The following HMMR variants were observed in gnomAD, a reference collection of about 807,000 sequenced individuals.
HMMR encodes hyaluronan mediated motility receptor, also known as intracellular hyaluronic acid-binding protein.
A neutral mutation model predicts 101.0 loss-of-function variants in HMMR; 108 were observed. That is an observed-to-expected ratio of 1.07 (90% CI 0.92 to 1.25). The LOEUF is 1.25. Ranked by LOEUF, HMMR falls within the 50% of genes most tolerant of loss-of-function variation. The pLI is 0.00. For synonymous variants in HMMR, 296 were observed against 276.4 expected, an observed-to-expected ratio of 1.07 and a Z score of -0.70; for missense variants, 813 against 788.7, an observed-to-expected ratio of 1.03 and a Z score of -0.37.
chr5:163,473,339 T>C, intron 8 of HMMR, 40 bp from the exon 9 acceptor site: 1 of 1,552,972 alleles, frequency 6.4e-7, no homozygotes, highest in Non-Finnish European at 8.8e-7. Context: ...TCCCTGTGCC[T>C]AAATAGATGT....
At chr5:163,466,111 A>T (rs1758697943) in intron 3 of HMMR, among the ~76,000 whole-genome samples, 1 of 151,158 alleles carries the variant, frequency 6.6e-6, no homozygotes, top group Non-Finnish European at 1.5e-5. Context: ...TAAAAATACA[A>T]GAAAATTAGC....
chr5:163,466,852 A>G (rs538249865), intron 3 of HMMR, among the ~76,000 whole-genome samples: 131 of 152,310 alleles, frequency 8.6e-4, no homozygotes, highest in Non-Finnish European at 1.7e-3. Context: ...GGCTTGCATT[A>G]TTTTTATTGG....
Position 163,474,061 on chromosome 5 carries a change from C to G in HMMR, c.909C>G (p.Asp303Glu), listed in dbSNP as rs776708341. ...TTGATGTTTTGCGTTTTCTAGAAGA[C>G]CATGTCAACAGGAATAGAGAACACA... Reference protein sequence around the residue: ...KCQLLEKEKEDHVNRNREHNE... With the variant: ...KCQLLEKEKEEHVNRNREHNE... The change falls in exon 10 of 18, where the codon GAC (aspartate) becomes GAG (glutamate). Residue 303 changes from aspartate (D) to glutamate (E), a missense_variant. Physicochemically the swap from Asp to Glu is conservative, Grantham distance 45. Transcript: ENST00000393915. 3 of 1,606,656 alleles carry G rather than the reference C, an allele frequency of 1.9e-6. No homozygotes were observed. The highest frequency in any genetic ancestry group is 2.5e-6 in the Non-Finnish European group (3 of 1,176,712).
intron 3 of HMMR, 109 bp downstream of exon 3, chr5:163,464,911 A>G: frequency 1.5e-6 from 1 of 671,438 alleles, no homozygotes; most frequent in Middle Eastern, 3.7e-4. Flanking sequence ...GGTTATAAGT[A>G]AATCTGTAAA....
chr5:163,482,579 C>T (rs1759307577), intron 12 of HMMR, 63 bp from the exon 13 acceptor site: 1 of 1,155,280 alleles, frequency 8.7e-7, no homozygotes, highest in South Asian at 1.3e-5. Flanking sequence ...GTAAACTAAT[C>T]AGTTATGATT....
chr5:163,484,297 C>A, intron 16 of HMMR, 52 bp downstream of exon 16: 1 of 901,140 alleles, frequency 1.1e-6, no homozygotes, highest in Non-Finnish European at 1.7e-6. Context: ...GGGGGTTATT[C>A]TAACTATAAT....
intron 9 of HMMR, 142 bp from the exon 10 acceptor site, chr5:163,473,915 A>G: frequency 1.5e-6 from 1 of 676,878 alleles, no homozygotes; most frequent in East Asian, 2.8e-5. Flanking sequence ...ACATGGAGTA[A>G]TGATACAAAG....
At chr5:163,480,061 A>T (rs933890779) in intron 12 of HMMR, among the ~76,000 whole-genome samples, 2 of 152,184 alleles carry the variant, frequency 1.3e-5, no homozygotes, top group Non-Finnish European at 2.9e-5. Context: ...TAAACTGTAG[A>T]GCTTGAAGAT....
At chr5:163,488,609 C>G (rs1446994882) in intron 16 of HMMR, among the ~76,000 whole-genome samples, 1 of 152,152 alleles carries the variant, frequency 6.6e-6, no homozygotes, top group Non-Finnish European at 1.5e-5. Context: ...CAGGGAGGTA[C>G]AGTTTTAGGT....
rs1759330683 is a variant in HMMR at position 163,483,061 on chromosome 5, C to T, written c.1574C>T (p.Thr525Ile). The T allele has an allele frequency of 3.1e-6, 5 of 1,612,246 alleles. No individual in the cohort carries two copies. Among genetic ancestry groups the T allele is most frequent in the Non-Finnish European group, 4.2e-6 (5 of 1,179,188 alleles). The change falls in exon 14 of 18, where the codon ACA becomes ATA. Residue 525 changes from threonine (T) to isoleucine (I), a missense_variant. Thr to Ile is a moderately conservative substitution (Grantham distance 89, BLOSUM62 -1). Coordinates refer to ENST00000393915, the MANE Select transcript of HMMR (RefSeq NM_001142556.2). ...DLQTKSALKE[T>I]EIKEITVSFL... is the part of the protein sequence containing the mutation. ...CAGACCAAGTCAGCACTAAAGGAAA[C>T]AGAAATTAAAGAAATCACAGTTTCT...
chr5:163,461,431 C>G (rs940558569), intron 1 of HMMR, among the ~76,000 whole-genome samples: 3 of 152,166 alleles, frequency 2.0e-5, no homozygotes, highest in African/African-American at 7.2e-5. Context: ...ATCGTGTGCT[C>G]TTAACACCGC....
chr5:163,472,213 A>C (rs1758918664), intron 7 of HMMR, among the ~76,000 whole-genome samples: 1 of 152,048 alleles, frequency 6.6e-6, no homozygotes, highest in Non-Finnish European at 1.5e-5. Context: ...CAAAAGAGAA[A>C]GAGCATGTGT....
At chr5:163,477,585 G>A (rs1436191410) in intron 11 of HMMR, among the ~76,000 whole-genome samples, 2 of 152,130 alleles carry the variant, frequency 1.3e-5, no homozygotes, top group Non-Finnish European at 2.9e-5. Flanking sequence ...ATAAGATAAT[G>A]TCATTTTAAG....
Position 163,478,777 on chromosome 5 carries a change from A to C in HMMR, c.1362A>C (p.Glu454Asp). Reference protein sequence around the residue: ...EKYDSMVQSLEDVTAQFESYK... With the variant: ...EKYDSMVQSLDDVTAQFESYK... ...ATGACAGTATGGTGCAAAGCCTTGAAGATGTTACTGCTCAATTTGAAAGGT... is the reference window on the plus strand; with the variant it reads ...ATGACAGTATGGTGCAAAGCCTTGACGATGTTACTGCTCAATTTGAAAGGT... Residue 454 changes from glutamate to aspartate, a missense_variant, in exon 12 of 18, where the codon GAA becomes GAC. Coordinates refer to ENST00000393915, the MANE Select transcript of HMMR (RefSeq NM_001142556.2). 6.2e-7 allele frequency: 1 copy of C among 1,603,640 alleles called. No homozygotes were observed. Among genetic ancestry groups the C allele is most frequent in the East Asian group, 2.2e-5 (1 of 44,820 alleles).
At chr5:163,483,993 A>G in intron 15 of HMMR, 76 bp from the exon 16 acceptor site, 1 of 778,502 alleles carries the variant, frequency 1.3e-6, no homozygotes, top group South Asian at 1.8e-5. Flanking sequence ...AATTTTCTTT[A>G]GTGTTTATGG....
chr5:163,491,286 A>T lies in HMMR; in HGVS notation c.*122A>T, dbSNP rs1379084499. 1.8e-6 allele frequency: 1 copy of T among 562,108 alleles called. No individual in the cohort carries two copies. The highest frequency in any genetic ancestry group is 3.1e-5 in the East Asian group (1 of 32,034). 34.8% of individuals were successfully genotyped at this position (562,108 alleles called of 1,614,324 possible). The stretch of plus-strand genomic sequence containing the variant: ...TAATTTTAACTGCCAATCCTTAAAT[A>T]TGTGAAAGGAACATTTTTTACCAAA... On this transcript the variant is annotated 3_prime_UTR_variant, in exon 18 of 18. Transcript: ENST00000393915.
At chr5:163,479,889 A>G (rs1417885743) in intron 12 of HMMR, among the ~76,000 whole-genome samples, 1 of 152,162 alleles carries the variant, frequency 6.6e-6, no homozygotes, top group Non-Finnish European at 1.5e-5. Context: ...TCCTTAAATA[A>G]AAAGTTTATT....
chr5:163,481,245 A>G (rs751035005), intron 12 of HMMR, among the ~76,000 whole-genome samples: 17 of 151,686 alleles, frequency 1.1e-4, no homozygotes, highest in Non-Finnish European at 2.2e-4. Context: ...TTATAAGTGT[A>G]TATGTTTTAT....
rs755105545 is a variant in HMMR, at chr5:163,460,743, G to A, written c.46+5G>A. On this transcript the variant is annotated splice_donor_5th_base_variant and intron_variant, in intron 1 of 17. Transcript: ENST00000393915. ...AACGATTCAATGACCCTTCTGGTGCGTAAGGGGGAAAGAGCTGGGGGACGG... is the reference window on the plus strand; with the variant it reads ...AACGATTCAATGACCCTTCTGGTGCATAAGGGGGAAAGAGCTGGGGGACGG... The A allele has an allele frequency of 1.2e-6, 2 of 1,606,202 alleles. No homozygotes were observed. The highest frequency in any genetic ancestry group is 1.7e-6 in the Non-Finnish European group (2 of 1,176,094).
Sources: allele counts gnomAD v4.1 joint callset (sites outside exome capture counted in the v4.1 genomes callset), GRCh38; gene constraint gnomAD v4.1.1; transcripts MANE v1.5; gene names NCBI Gene and HGNC (gene_info 2026-07-23, HGNC 2026-07-21).